ADAM2: variants seen among roughly 807,000 people sequenced by gnomAD.
ADAM2 encodes disintegrin and metalloproteinase domain-containing protein 2.
In ADAM2, 101 loss-of-function variants were observed where a neutral mutation model predicts 99.3. That is an observed-to-expected ratio of 1.02 (90% CI 0.87 to 1.20). The LOEUF (loss-of-function observed/expected upper bound fraction) is 1.20, where lower values mean the gene tolerates loss of function less well. ADAM2 is among the 50% of genes most tolerant of loss of function. The probability of loss-of-function intolerance (pLI) is 0.00; values close to 1 mark genes in which losing one functional copy is unlikely to be tolerated. For missense variants in ADAM2, 948 were observed against 878.7 expected, an observed-to-expected ratio of 1.08 and a Z score of -1.00; for synonymous variants, 323 against 287.6, an observed-to-expected ratio of 1.12 and a Z score of -1.25.
At chr8:39,777,451 T>C (rs1335836381) in intron 10 of ADAM2, among the ~76,000 whole-genome samples, 1 of 152,088 alleles carries the variant, frequency 6.6e-6, no homozygotes, top group Non-Finnish European at 1.5e-5. Context: ...CATATTTATA[T>C]TCACAAAAGA....
chr8:39,802,053 A>AAGCATATTCCAGCTGAGAGGCT (rs1438697160), intron 7 of ADAM2, among the ~76,000 whole-genome samples: 5 of 152,226 alleles, frequency 3.3e-5, no homozygotes, highest in African/African-American at 4.8e-5. Context: ...AGGTAGGCTT[A>AAGCATATTCCAGCTGAGAGGCT]AGCATATTCC....
intron 11 of ADAM2, among the ~76,000 whole-genome samples, chr8:39,771,939 A>G (rs1039430077): frequency 2.0e-5 from 3 of 151,988 alleles, no homozygotes; most frequent in African/African-American, 4.8e-5. Context: ...TTAGAAAGTC[A>G]AATACGGGAG....
intron 15 of ADAM2, 43 bp from the exon 16 acceptor site, chr8:39,755,954 A>G: frequency 9.5e-7 from 1 of 1,057,068 alleles, no homozygotes; most frequent in Non-Finnish European, 1.4e-6. Flanking sequence ...TTTAATTTAG[A>G]GAAGTACAAG....
At chr8:39,767,278 G>T in intron 12 of ADAM2, 27 bp from the exon 13 acceptor site, 2 of 1,558,908 alleles carry the variant, frequency 1.3e-6, no homozygotes, top group Non-Finnish European at 1.8e-6. Flanking sequence ...ATGCTCTGAA[G>T]TATTTTCCAA....
At chr8:39,826,794 G>A (rs1300845441) in intron 3 of ADAM2, among the ~76,000 whole-genome samples, 2 of 151,670 alleles carry the variant, frequency 1.3e-5, no homozygotes, top group Admixed American at 6.6e-5. Flanking sequence ...AAAACTACTA[G>A]AAGAAAGCAT....
chr8:39,837,402 A>G (rs1805877395), intron 1 of ADAM2, among the ~76,000 whole-genome samples, 190 bp from the exon 2 acceptor site: 1 of 147,716 alleles, frequency 6.8e-6, no homozygotes, highest in African/African-American at 2.5e-5. Flanking sequence ...TGTTTTTGAG[A>G]CGAAGTCTCA....
intron 15 of ADAM2, 42 bp downstream of exon 15, chr8:39,761,134 G>T: frequency 8.1e-7 from 1 of 1,228,014 alleles, no homozygotes; most frequent in South Asian, 1.6e-5. Context: ...TCAAATATAA[G>T]GTGATAAATA....
chr8:39,761,151 C>T, intron 15 of ADAM2, 25 bp downstream of exon 15: 1 of 1,433,856 alleles, frequency 7.0e-7, no homozygotes, highest in East Asian at 2.4e-5. Flanking sequence ...AATAGAAGTT[C>T]TAAGACAGAT....
intron 7 of ADAM2, among the ~76,000 whole-genome samples, chr8:39,808,920 A>C (rs541495169): frequency 2.4e-4 from 36 of 152,278 alleles, no homozygotes; most frequent in African/African-American, 8.7e-4. Flanking sequence ...CATCACAAAA[A>C]ATAAATAAAT....
At chr8:39,829,735 G>A (rs1439958333) in intron 3 of ADAM2, among the ~76,000 whole-genome samples, 2 of 151,802 alleles carry the variant, frequency 1.3e-5, no homozygotes, top group Non-Finnish European at 2.9e-5. Context: ...GAAACAAAAT[G>A]TTCAAAATAA....
intron 5 of ADAM2, among the ~76,000 whole-genome samples, 170 bp from the exon 6 acceptor site, chr8:39,821,340 G>A (rs1348050096): frequency 1.3e-5 from 2 of 152,096 alleles, no homozygotes; most frequent in Admixed American, 6.6e-5. Context: ...GAGTGACACC[G>A]CATAGTAATG....
chr8:39,783,579 C>T (rs567924582), intron 10 of ADAM2, among the ~76,000 whole-genome samples: 3 of 152,226 alleles, frequency 2.0e-5, no homozygotes, highest in Admixed American at 6.5e-5. Context: ...ATGCTGAAAC[C>T]GTGACCCCTA....
chr8:39,802,850 C>T (rs1448770449), intron 7 of ADAM2, among the ~76,000 whole-genome samples: 3 of 152,244 alleles, frequency 2.0e-5, no homozygotes, highest in Admixed American at 2.0e-4. Context: ...TTCTAGCCAT[C>T]AACTTTTGTT....
intron 19 of ADAM2, among the ~76,000 whole-genome samples, chr8:39,746,235 C>T (rs1294560518): frequency 6.6e-6 from 1 of 152,006 alleles, no homozygotes; most frequent in Non-Finnish European, 1.5e-5. Context: ...TCATGTTGCC[C>T]AGGCTTGTCT....
At chr8:39,790,355 A>T (rs1255634215) in intron 7 of ADAM2, among the ~76,000 whole-genome samples, 1 of 152,020 alleles carries the variant, frequency 6.6e-6, no homozygotes, top group East Asian at 1.9e-4. Context: ...GAAGAAACGC[A>T]GTACTAATCC....
intron 14 of ADAM2, among the ~76,000 whole-genome samples, chr8:39,762,807 C>A (rs1485328098): frequency 6.6e-6 from 1 of 152,108 alleles, no homozygotes; most frequent in Admixed American, 6.5e-5. Context: ...TCTGATCAGC[C>A]AATTATTTGC....
At chr8:39,782,805 T>C (rs180864284) in intron 10 of ADAM2, among the ~76,000 whole-genome samples, 3 of 152,262 alleles carry the variant, frequency 2.0e-5, no homozygotes, top group Admixed American at 1.3e-4. Flanking sequence ...AACTTGTATA[T>C]ATCTTCAAAA....
intron 11 of ADAM2, among the ~76,000 whole-genome samples, chr8:39,772,062 G>T (rs961110795): frequency 7.6e-6 from 1 of 131,324 alleles, no homozygotes; most frequent in African/African-American, 2.9e-5. Context: ...ATGTACCCTA[G>T]AACTTAAAAG....
At position 39,788,741 on chromosome 8, in the gene ADAM2, C is replaced by T. The variant is rs1156652646; in HGVS notation, c.571-1G>A. On this transcript the variant is annotated splice_acceptor_variant, in intron 7 of 20. Transcript: ENST00000265708. LOFTEE classifies it high-confidence loss of function. ...TTGTATCAGACCCCATATGATTATA[C>T]TGTAAAATATTATTACATTTTAGAT... The T allele has an allele frequency of 2.0e-6, 3 of 1,474,960 alleles. No individual in the cohort carries two copies. The highest frequency in any genetic ancestry group is 2.5e-5 in the East Asian group (1 of 40,492). The allele number at this position is 1,474,960 out of a possible 1,614,324, so 91.4% of individuals were successfully genotyped here.
Sources: allele counts gnomAD v4.1 joint callset (sites outside exome capture counted in the v4.1 genomes callset), GRCh38; gene constraint gnomAD v4.1.1; transcripts MANE v1.5; gene names NCBI Gene and HGNC (gene_info 2026-07-23, HGNC 2026-07-21).